Variants in GIGYF1 observed in about 807,000 individuals in gnomAD.
The protein encoded by GIGYF1 is GRB10 interacting GYF protein 1.
A neutral mutation model predicts 147.1 loss-of-function variants in GIGYF1; 84 were observed. The ratio of observed to expected loss-of-function variants is 0.57; its 90% CI spans 0.48 to 0.68. GIGYF1 has a LOEUF of 0.68. Among genes scored for constraint, GIGYF1 ranks in the 30% least tolerant of loss-of-function variants. GIGYF1 has a pLI of 0.00. For missense variants in GIGYF1, 1,485 were observed against 1,393.7 expected (o/e 1.07, Z -1.04); for synonymous variants, 752 against 589.5 (o/e 1.28, Z -3.99).
rs780937643 is a variant in GIGYF1 at position 100,688,094 on chromosome 7, C to G, written c.52G>C (p.Gly18Arg). 4 of 1,609,272 alleles carry G rather than the reference C, an allele frequency of 2.5e-6. No homozygotes were observed. Among genetic ancestry groups the G allele is most frequent in the Admixed American group, 1.7e-5 (1 of 59,586 alleles). Residue 18 changes from glycine to arginine, a missense_variant, in exon 5 of 27, where the codon GGG becomes CGG. Coordinates refer to ENST00000678049, the MANE Select transcript of GIGYF1 (RefSeq NM_001375765.1). ...GGTGGGGAGGCCACGCTGCCGCCCC[C>G]GGACAGGGCCCTGAGCCTGGACACA... ...FGPEWLRALS[G>R]GGSVASPPPS...
intron 12 of GIGYF1, 76 bp downstream of exon 12, chr7:100,685,898 C>A: frequency 8.0e-7 from 1 of 1,243,172 alleles, no homozygotes; most frequent in South Asian, 1.3e-5. Context: ...AGGTGGGCAG[C>A]CAATGCCCAG....
intron 3 of GIGYF1, 71 bp from the exon 4 acceptor site, chr7:100,688,378 G>A: frequency 2.6e-6 from 2 of 770,998 alleles, no homozygotes; most frequent in South Asian, 3.1e-5. Context: ...GGACACCATG[G>A]GGGACATCCT....
At position 100,686,654 on chromosome 7, in the gene GIGYF1, C is replaced by A; in HGVS notation, c.689G>T (p.Ser230Ile). The A allele has an allele frequency of 6.2e-7, 1 of 1,611,004 alleles. No individual in the cohort carries two copies. The highest frequency in any genetic ancestry group is 1.7e-5 in the Admixed American group (1 of 59,804). Residue 230 changes from serine (S) to isoleucine (I), a missense_variant, in exon 10 of 27, where the codon AGC becomes ATC. By Grantham distance (142) the Ser-to-Ile change is moderately radical. Coordinates refer to ENST00000678049, the MANE Select transcript of GIGYF1 (RefSeq NM_001375765.1). ...RRDGDRWRSASPDGGPRSAGW... is the reference protein window; with the variant it reads ...RRDGDRWRSAIPDGGPRSAGW... ...CTACCAGGCCCCAATCTCACCAGGG[C>A]TGGCGGAGCGCCAGCGGTCGCCGTC...
rs201431547 is a variant in GIGYF1, at chr7:100,685,117, C to G, written c.1222G>C (p.Gly408Arg). 7.6e-6 allele frequency: 12 copies of G among 1,583,250 alleles called. No homozygotes were observed. Among genetic ancestry groups the G allele is most frequent in the Non-Finnish European group, 1.0e-5 (12 of 1,163,682 alleles). Reference protein sequence around the residue: ...DDIRGIQLSPGVGSSAGPPGD... With the variant: ...DDIRGIQLSPRVGSSAGPPGD... ...GGTGGGCCAGCAGAGGAGCCCACCCCGGGACTCAGCTGGATCCCCCGAATA... is the reference window on the plus strand; with the variant it reads ...GGTGGGCCAGCAGAGGAGCCCACCCGGGGACTCAGCTGGATCCCCCGAATA... Residue 408 changes from glycine (G) to arginine (R), a missense_variant, in exon 14 of 27, where the codon GGG (glycine) becomes CGG (arginine). Physicochemically the swap from Gly to Arg is moderately radical, Grantham distance 125 (BLOSUM62 -2). Transcript: ENST00000678049.
chr7:100,681,472 C>T lies in GIGYF1; in HGVS notation c.*247G>A, dbSNP rs937450490. The T allele has an allele frequency of 7.7e-6, 3 of 387,850 alleles. No individual in the cohort carries two copies. Among genetic ancestry groups the T allele is most frequent in the South Asian group, 1.1e-4 (1 of 8,784 alleles). The allele number at this position is 387,850 out of a possible 1,614,324, so 24.0% of individuals were successfully genotyped here. ...GTCTAGTTTTTAACAATATTTTTGCCTCTCCTAATGTTTTCTTCAGTCGTT... is the reference window on the plus strand; with the variant it reads ...GTCTAGTTTTTAACAATATTTTTGCTTCTCCTAATGTTTTCTTCAGTCGTT... On this transcript the variant is annotated 3_prime_UTR_variant, in exon 27 of 27. Coordinates refer to ENST00000678049, the MANE Select transcript of GIGYF1 (RefSeq NM_001375765.1).
chr7:100,684,638 G>A (rs371118743), intron 15 of GIGYF1, 22 bp from the exon 16 acceptor site: 47 of 1,613,710 alleles, frequency 2.9e-5, no homozygotes, highest in Admixed American at 2.2e-4. Context: ...GCGAGGGAGC[G>A]GGAGAACCAC....
rs1457401482 is a variant in GIGYF1 at position 100,685,052 on chromosome 7, C to T, written c.1287G>A (p.Gln429=). The change falls in exon 14 of 27, where the codon CAG becomes CAA. Residue 429 remains glutamine, a synonymous_variant. Coordinates refer to ENST00000678049, the MANE Select transcript of GIGYF1 (RefSeq NM_001375765.1). The stretch of plus-strand genomic sequence containing the variant: ...CCGCTTTCTCAGGCCCCCACACCTG[C>T]TGCAGGTGCTTCAAGCCTTCATCAT... ...LEDDEGLKHL[Q]QEAEKLVASL... is the part of the protein sequence containing the mutation. The T allele has an allele frequency of 2.6e-6, 4 of 1,566,870 alleles. No individual in the cohort carries two copies. The South Asian group carries it at 4.7e-5, about 18-fold the overall frequency.
intron 1 of GIGYF1, among the ~76,000 whole-genome samples, chr7:100,690,111 T>C (rs1340559849): frequency 6.6e-6 from 1 of 152,150 alleles, no homozygotes; most frequent in Non-Finnish European, 1.5e-5. Context: ...ACAGTTAAAG[T>C]CTCCAAATTT....
At position 100,682,356 on chromosome 7, in the gene GIGYF1, C is replaced by T. The variant is rs1171963995; in HGVS notation, c.2727G>A (p.Met909Ile). The T allele has an allele frequency of 1.2e-6, 2 of 1,613,410 alleles. No individual in the cohort carries two copies. The highest frequency in any genetic ancestry group is 8.5e-7 in the Non-Finnish European group (1 of 1,179,942). ...TGCCCGTGGCGCTCAGCGTGTGCAG[C>T]ATCTGCTCGCACCACTGGGTGAAGC... ...QDGFTQWCEQ[M>I]LHTLSATGSL... The change falls in exon 24 of 27, where the codon ATG becomes ATA. Residue 909 changes from methionine (M) to isoleucine (I), a missense_variant. Met to Ile is a conservative substitution (Grantham distance 10). Coordinates refer to ENST00000678049, the MANE Select transcript of GIGYF1 (RefSeq NM_001375765.1).
In GIGYF1 at chr7:100,684,131, C is replaced by T. The variant is rs375021603; in HGVS notation, c.1757G>A (p.Arg586Gln). The T allele has an allele frequency of 3.1e-5, 50 of 1,608,786 alleles. No homozygotes were observed. In the South Asian group the frequency reaches 3.3e-4, roughly 11 times the overall value. Residue 586 changes from arginine to glutamine, a missense_variant, in exon 18 of 27, where the codon CGA becomes CAA. Coordinates refer to ENST00000678049, the MANE Select transcript of GIGYF1 (RefSeq NM_001375765.1). ...SSRQLPQCAL[R>Q]EKAALGDLTP... ...CAGGTCCCCCAGAGCTGCCTTTTCT[C>T]GGAGCGCGCACTGTGGGAGCTGGCG...
chr7:100,688,734 G>C lies in GIGYF1; in HGVS notation c.-277C>G, dbSNP rs1363980713. 1.8e-5 allele frequency: 6 copies of C among 330,564 alleles called. No individual in the cohort carries two copies. The East Asian group carries it at 4.7e-4, about 26-fold the overall frequency. 20.5% of individuals were successfully genotyped at this position (330,564 alleles called of 1,614,324 possible). ...GGGAAAGACCCTTAAGGAGAGCAGG[G>C]GGGAGGAGGGAGGGTTCAGGACATG... On this transcript the variant is annotated 5_prime_UTR_variant, in exon 2 of 27. Coordinates refer to ENST00000678049, the MANE Select transcript of GIGYF1 (RefSeq NM_001375765.1).
rs548800481 is a variant in GIGYF1 at position 100,681,615 on chromosome 7, G to C, written c.*104C>G. ...AACAAGTGCTGGGGACCCCGCCCCT[G>C]CCTCTTCCTGTGCTCTCTGCGGGGA... On this transcript the variant is annotated 3_prime_UTR_variant, in exon 27 of 27. Coordinates refer to ENST00000678049, the MANE Select transcript of GIGYF1 (RefSeq NM_001375765.1). 2 of 1,102,842 alleles carry C rather than the reference G, an allele frequency of 1.8e-6. No homozygotes were observed. The highest frequency in any genetic ancestry group is 1.8e-5 in the South Asian group (1 of 56,746). The allele number at this position is 1,102,842 out of a possible 1,614,324, so 68.3% of individuals were successfully genotyped here.
In GIGYF1 at chr7:100,680,716, C is replaced by G. The variant is rs566571609; in HGVS notation, c.*1003G>C. 6.5e-6 allele frequency: 1 copy of G among 152,934 alleles called. No individual in the cohort carries two copies. The highest frequency in any genetic ancestry group is 2.4e-5 in the African/African-American group (1 of 41,592). The allele number at this position is 152,934 out of a possible 1,614,324, so 9.5% of individuals were successfully genotyped here. A position where few individuals can be genotyped will look rare whatever the true frequency, so the allele number is the denominator to read the frequency against. ...CCTTTGAGGCCCCTCCTCCTGCCCC[C>G]TTCACTGGAGAAACAGCTCAGCCTT... On this transcript the variant is annotated 3_prime_UTR_variant, in exon 27 of 27. Coordinates refer to ENST00000678049, the MANE Select transcript of GIGYF1 (RefSeq NM_001375765.1).
chr7:100,687,613 TTC>T lies in GIGYF1; in HGVS notation c.263_264del (p.Arg88LysfsTer42). Reference protein sequence around the residue: ...ALEPLTEEEQRNFSLSVNSVA... With the variant: ...ALEPLTEEEQXNFSLSVNSVA... ...ACGCTGTTCACTGACAGGGAGAAGTTTCTCTGAGGAGGGAGCCAGGGGCGGGA... is the reference window on the plus strand; with the variant it reads ...ACGCTGTTCACTGACAGGGAGAAGTTTCTGAGGAGGGAGCCAGGGGCGGGA... On this transcript the variant is annotated frameshift_variant and splice_region_variant, in exon 7 of 27. Transcript: ENST00000678049. LOFTEE classifies it high-confidence loss of function. 1.2e-6 allele frequency: 2 copies of T among 1,610,174 alleles called. No homozygotes were observed. Among genetic ancestry groups the T allele is most frequent in the Non-Finnish European group, 1.7e-6 (2 of 1,178,814 alleles).
In GIGYF1 at chr7:100,687,532, G is replaced by A. The variant is rs943416088; in HGVS notation, c.346C>T (p.Arg116Ter). The A allele has an allele frequency of 3.7e-6, 6 of 1,612,334 alleles. No individual in the cohort carries two copies. The highest frequency in any genetic ancestry group is 1.7e-5 in the Admixed American group (1 of 59,980). Reference protein sequence around the residue: ...GAGPPLAGTSRGRGSTRSRGR... With the variant: ...GAGPPLAGTS ...CGGCTCCGCGTGCTGCCCCTGCCTC[G>A]GGAGGTGCCAGCCAGGGGGGGGCCA... The change falls in exon 7 of 27, where the codon CGA (arginine) becomes TGA (stop). Residue 116 changes from arginine to a stop codon, truncating the protein, a stop_gained. Transcript: ENST00000678049. LOFTEE classifies it high-confidence loss of function.
chr7:100,685,366 C>A lies in GIGYF1; in HGVS notation c.1170G>T (p.Glu390Asp). The A allele has an allele frequency of 6.3e-7, 1 of 1,599,292 alleles. No homozygotes were observed. The highest frequency in any genetic ancestry group is 1.8e-5 in the Admixed American group (1 of 55,294). ...TACCTTCGGCCGCTGGGGGCTCTTT[C>A]TCTGCAGTTTCGTCCCCATCCCCGT... ...GTNGDGDETA[E>D]KEPPAAEDDI... The change falls in exon 13 of 27, where the codon GAG becomes GAT. Residue 390 changes from glutamate (E) to aspartate (D), a missense_variant. Transcript: ENST00000678049.
intron 1 of GIGYF1, among the ~76,000 whole-genome samples, chr7:100,690,335 G>T (rs1157808878): frequency 6.6e-6 from 1 of 152,164 alleles, no homozygotes; most frequent in Non-Finnish European, 1.5e-5. Context: ...GAGGGTGGGA[G>T]AGAGTAGAAC....
At position 100,684,003 on chromosome 7, in the gene GIGYF1, T is replaced by C. The variant is rs1273369262; in HGVS notation, c.1868+17A>G. The C allele has an allele frequency of 9.4e-7, 1 of 1,060,950 alleles. No homozygotes were observed. Among genetic ancestry groups the C allele is most frequent in the Non-Finnish European group, 1.3e-6 (1 of 742,444 alleles). The allele number at this position is 1,060,950 out of a possible 1,614,324, so 65.7% of individuals were successfully genotyped here. A position where few individuals can be genotyped will look rare whatever the true frequency, so the allele number is the denominator to read the frequency against. On this transcript the variant is annotated intron_variant, in intron 18 of 26. Transcript: ENST00000678049. Reference sequence around the variant, plus strand: ...CCCCCCCACCCTGTATCCTGAGGGCTCGCACGCACCACGCACCTGGGGGGT... The same window carrying C: ...CCCCCCCACCCTGTATCCTGAGGGCCCGCACGCACCACGCACCTGGGGGGT...
rs1805520585 is a variant in GIGYF1 at position 100,687,819 on chromosome 7, AG to A, written c.229del (p.Leu77TrpfsTer6). 6.2e-7 allele frequency: 1 copy of A among 1,612,916 alleles called. No homozygotes were observed. The highest frequency in any genetic ancestry group is 8.5e-7 in the Non-Finnish European group (1 of 1,179,996). On this transcript the variant is annotated frameshift_variant, in exon 6 of 27. Transcript: ENST00000678049. LOFTEE classifies it high-confidence loss of function. ...AVLQDEPLQP[L>X]ALEPLTEEEQ... ...CTCCTCAGTCAGCGGCTCCAGAGCC[AG>A]GGGCTGCAGTGGCTCGTCCTGCAGC...
Sources: gnomAD v4.1 joint callset for allele counts (sites outside exome capture counted in the v4.1 genomes callset) on GRCh38, gnomAD v4.1.1 for gene constraint, MANE v1.5 for transcripts, NCBI Gene and HGNC (gene_info 2026-07-23, HGNC 2026-07-21) for gene names.